ASIC2: variants seen among roughly 807,000 people sequenced by gnomAD.
ASIC2 encodes acid-sensing ion channel 2.
ASIC2 carries 25 observed loss-of-function variants against 57.3 expected under a neutral mutation model. That is an observed-to-expected ratio of 0.44 (90% CI 0.32 to 0.61). The LOEUF (loss-of-function observed/expected upper bound fraction) is 0.61. ASIC2 is among the 20% of genes least tolerant of loss of function. The pLI, the probability that ASIC2 is intolerant of heterozygous loss-of-function variation, is 0.06. For missense variants in ASIC2, 641 were observed against 738.1 expected, an observed-to-expected ratio of 0.87 and a Z score of 1.52; for synonymous variants, 319 against 307.5, an observed-to-expected ratio of 1.04 and a Z score of -0.39.
Position 33,516,847 on chromosome 17 carries a change from G to A in ASIC2, c.556-404780C>T, listed in dbSNP as rs73273281. ...AGGTGTTGTGCTCTTATTACACTGG[G>A]TTTGATTTCCTGTTTCCTGTCTGTC... On this transcript the variant is annotated intron_variant, in intron 1 of 9. Coordinates refer to the ASIC2 transcript ENST00000359872. Among the ~76,000 whole-genome samples the A allele has an allele frequency of 3.3e-3, 504 of 152,290 alleles. 1 individual carries two copies. Among genetic ancestry groups the A allele is most frequent in the African/African-American group, 0.011 (472 of 41,566 alleles).
At chr17:33,663,193 G>A (rs544397916) in intron 1 of ASIC2, among the ~76,000 whole-genome samples, 1 of 152,236 alleles carries the variant, frequency 6.6e-6, no homozygotes, top group Non-Finnish European at 1.5e-5. Flanking sequence ...GAGGCTTTGT[G>A]AGCTTACCCA....
At chr17:33,383,718 T>C (rs1248274797) in intron 1 of ASIC2, among the ~76,000 whole-genome samples, 1 of 152,190 alleles carries the variant, frequency 6.6e-6, no homozygotes. Context: ...CTCAGACAAA[T>C]ACAATGAGCT....
intron 1 of ASIC2, among the ~76,000 whole-genome samples, chr17:33,284,425 C>T (rs1905069207): frequency 6.6e-6 from 1 of 152,124 alleles, no homozygotes; most frequent in Admixed American, 6.5e-5. Context: ...ATCTACTTCT[C>T]TTCTGTTTGT....
intron 1 of ASIC2, among the ~76,000 whole-genome samples, chr17:33,125,395 A>G (rs966619828): frequency 2.0e-5 from 3 of 152,208 alleles, no homozygotes; most frequent in African/African-American, 7.2e-5. Context: ...TCATCCTGGG[A>G]GACTAGAATC....
intron 1 of ASIC2, among the ~76,000 whole-genome samples, chr17:33,722,146 G>A (rs999507216): frequency 1.1e-4 from 16 of 152,194 alleles, no homozygotes; most frequent in African/African-American, 3.6e-4. Flanking sequence ...TGAATCATGG[G>A]GGTGGGATTT....
intron 1 of ASIC2, among the ~76,000 whole-genome samples, chr17:33,381,373 G>A (rs1040943179): frequency 8.5e-5 from 13 of 152,226 alleles, no homozygotes; most frequent in South Asian, 6.2e-4. Flanking sequence ...AGGCGCTGCC[G>A]CCTCTGCCTC....
At chr17:33,587,529 C>T (rs1372330150) in intron 1 of ASIC2, among the ~76,000 whole-genome samples, 1 of 152,220 alleles carries the variant, frequency 6.6e-6, no homozygotes, top group Non-Finnish European at 1.5e-5. Flanking sequence ...TTCACATGCT[C>T]AGCGCTTGCC....
intron 1 of ASIC2, among the ~76,000 whole-genome samples, chr17:33,373,662 A>G (rs1390231522): frequency 7.3e-6 from 1 of 136,822 alleles, no homozygotes; most frequent in Non-Finnish European, 1.6e-5. Flanking sequence ...TCACTATTAT[A>G]AAACCTAAGA....
At chr17:34,077,556 C>T (rs569043548) in intron 1 of ASIC2, among the ~76,000 whole-genome samples, 1 of 152,282 alleles carries the variant, frequency 6.6e-6, no homozygotes, top group Admixed American at 6.5e-5. Context: ...AACACAGCCA[C>T]GATGCAGCCT....
intron 1 of ASIC2, among the ~76,000 whole-genome samples, chr17:33,204,190 T>C (rs1906977940): frequency 6.6e-6 from 1 of 152,264 alleles, no homozygotes; most frequent in Admixed American, 6.5e-5. Flanking sequence ...GGTTATTGTC[T>C]GGTCTTTTGT....
chr17:33,557,911 G>T (rs147915891), intron 1 of ASIC2, among the ~76,000 whole-genome samples: 224 of 152,044 alleles, frequency 1.5e-3, no homozygotes, highest in African/African-American at 5.0e-3. Flanking sequence ...CCTTCCAACT[G>T]GTCTTCCCAT....
intron 1 of ASIC2, among the ~76,000 whole-genome samples, chr17:33,602,479 G>A (rs964304698): frequency 1.3e-5 from 2 of 152,102 alleles, no homozygotes; most frequent in Non-Finnish European, 2.9e-5. Context: ...CAGCAAGAAG[G>A]CCCTCACCAG....
Position 33,892,785 on chromosome 17 carries a change from T to C in ASIC2, c.555+263193A>G, listed in dbSNP as rs187558612. 8.2e-3 allele frequency among the ~76,000 whole-genome samples: 1,251 copies of C among 152,256 alleles called. 12 individuals carry two copies. Among genetic ancestry groups the C allele is most frequent in the Non-Finnish European group, 0.013 (887 of 68,012 alleles). On this transcript the variant is annotated intron_variant, in intron 1 of 9. Transcript: ENST00000359872. ...TGCTCACACTGGAGTACTACCTACA[T>C]GTTTTGGGCTAAGGTACAGTTTTTC...
intron 1 of ASIC2, among the ~76,000 whole-genome samples, chr17:33,678,435 C>CACACACACACA (rs1907894434): frequency 1.4e-5 from 2 of 139,602 alleles, no homozygotes; most frequent in African/African-American, 2.6e-5. Flanking sequence ...CTGGTTCAAT[C>CACACACACACA]CACACACACA....
chr17:33,169,643 G>A (rs907398941), intron 1 of ASIC2, among the ~76,000 whole-genome samples: 3 of 152,174 alleles, frequency 2.0e-5, no homozygotes, highest in African/African-American at 4.8e-5. Flanking sequence ...GCCACCCAGA[G>A]GTACATTGAA....
intron 1 of ASIC2, among the ~76,000 whole-genome samples, chr17:34,123,171 C>T (rs1329039499): frequency 6.6e-6 from 1 of 152,148 alleles, no homozygotes; most frequent in Non-Finnish European, 1.5e-5. Flanking sequence ...TGATAACAAG[C>T]TCTGGGCAGA....
intron 1 of ASIC2, among the ~76,000 whole-genome samples, chr17:33,462,705 T>G (rs1327104521): frequency 6.6e-6 from 1 of 152,260 alleles, no homozygotes; most frequent in African/African-American, 2.4e-5. Flanking sequence ...TTGGTAAGTA[T>G]GATCTATAAG....
intron 1 of ASIC2, among the ~76,000 whole-genome samples, chr17:33,908,085 C>G (rs148984975): frequency 1.3e-5 from 2 of 152,296 alleles, no homozygotes; most frequent in Admixed American, 6.5e-5. Flanking sequence ...TTATTTCCTC[C>G]TTACAGTGTC....
chr17:33,959,627 C>A (rs1306515651), intron 1 of ASIC2, among the ~76,000 whole-genome samples: 1 of 152,212 alleles, frequency 6.6e-6, no homozygotes, highest in East Asian at 1.9e-4. Flanking sequence ...GGGCAGGAAG[C>A]ATCCAGCATG....
Sources: allele counts gnomAD v4.1 joint callset (sites outside exome capture counted in the v4.1 genomes callset), GRCh38; gene constraint gnomAD v4.1.1; transcripts MANE v1.5; gene names NCBI Gene and HGNC (gene_info 2026-07-23, HGNC 2026-07-21).